SCUBE1: variants seen among roughly 807,000 people sequenced by gnomAD.
The protein encoded by SCUBE1 is signal peptide, CUB and EGF-like domain-containing protein 1.
A neutral mutation model predicts 124.4 loss-of-function variants in SCUBE1; 59 were observed. That is an observed-to-expected ratio of 0.47 (90% CI 0.38 to 0.59). The LOEUF (loss-of-function observed/expected upper bound fraction) is 0.59. SCUBE1 is among the 20% of genes least tolerant of loss of function. The pLI is 0.00. For missense variants in SCUBE1, 1,150 were observed against 1,371.2 expected (o/e 0.84, Z 2.55); for synonymous variants, 545 against 550.9 (o/e 0.99, Z 0.15).
In SCUBE1 at chr22:43,229,142, G is replaced by A. The variant is rs1408740102; in HGVS notation, c.1014C>T (p.Ile338=). The change falls in exon 9 of 22, where the codon ATC becomes ATT. Residue 338 remains isoleucine, a synonymous_variant. Transcript: ENST00000360835. ...GGCACTGGAAGCTGCCCGGGGAGTT[G>A]ATGCAGATGTGGTCACAGGTCCGCT... is the stretch of plus-strand genomic sequence containing the variant. The part of the protein sequence containing the change: ...SFERTCDHIC[I]NSPGSFQCLC... The A allele has an allele frequency of 3.1e-6, 5 of 1,613,898 alleles. No individual in the cohort carries two copies. The highest frequency in any genetic ancestry group is 4.2e-6 in the Non-Finnish European group (5 of 1,179,992).
chr22:43,315,082 G>A (rs1460763605), intron 3 of SCUBE1, among the ~76,000 whole-genome samples: 3 of 151,970 alleles, frequency 2.0e-5, no homozygotes, highest in Non-Finnish European at 4.4e-5. Flanking sequence ...AAGAACAAAT[G>A]ATACCACCAT....
chr22:43,219,853 C>T (rs1278823914), intron 14 of SCUBE1, among the ~76,000 whole-genome samples: 1 of 152,122 alleles, frequency 6.6e-6, no homozygotes, highest in Non-Finnish European at 1.5e-5. Flanking sequence ...GCCCCCACCA[C>T]CGAGAGTCCC....
At chr22:43,302,825 G>A (rs1925823539) in intron 3 of SCUBE1, among the ~76,000 whole-genome samples, 2 of 152,340 alleles carry the variant, frequency 1.3e-5, no homozygotes, top group South Asian at 4.1e-4. Context: ...GAACCAAAGC[G>A]AGAAGCTGTA....
intron 4 of SCUBE1, among the ~76,000 whole-genome samples, chr22:43,264,983 T>G (rs1011968724): frequency 6.6e-6 from 1 of 152,272 alleles, no homozygotes; most frequent in African/African-American, 2.4e-5. Context: ...TAAGCAGATC[T>G]GTGCTTTCTT....
At chr22:43,251,482 T>C (rs1286671475) in intron 6 of SCUBE1, among the ~76,000 whole-genome samples, 2 of 152,216 alleles carry the variant, frequency 1.3e-5, no homozygotes, top group Non-Finnish European at 2.9e-5. Flanking sequence ...GAAATTATCC[T>C]GGATTATCTG....
In SCUBE1 at chr22:43,219,623, G is replaced by A. The variant is rs573256582; in HGVS notation, c.1687+827C>T. Among the ~76,000 whole-genome samples the A allele has an allele frequency of 1.5e-4, 23 of 151,836 alleles. 1 individual carries two copies. The highest frequency in any genetic ancestry group is 4.2e-4 in the South Asian group (2 of 4,796). Reference sequence around the variant, plus strand: ...TGAGTAGCTGGGATTACAGGTGCCTGCCACCACACCTGGCTAATTTTTGTA... The same window carrying A: ...TGAGTAGCTGGGATTACAGGTGCCTACCACCACACCTGGCTAATTTTTGTA... On this transcript the variant is annotated intron_variant, in intron 14 of 21. Coordinates refer to ENST00000360835, the MANE Select transcript of SCUBE1 (RefSeq NM_173050.5).
intron 4 of SCUBE1, among the ~76,000 whole-genome samples, chr22:43,290,290 G>A (rs936339485): frequency 2.0e-5 from 3 of 151,778 alleles, no homozygotes; most frequent in Non-Finnish European, 4.4e-5. Context: ...CATGTGTCCT[G>A]GCTCTCTCCT....
chr22:43,314,378 T>C (rs1926270110), intron 3 of SCUBE1, among the ~76,000 whole-genome samples: 1 of 152,162 alleles, frequency 6.6e-6, no homozygotes, highest in Non-Finnish European at 1.5e-5. Flanking sequence ...TAGTTCACTC[T>C]AGCTGCTGCC....
At position 43,211,193 on chromosome 22, in the gene SCUBE1, A is replaced by G. The variant is rs377509489; in HGVS notation, c.2222-110T>C. 1 of 1,168,296 alleles carries G rather than the reference A, an allele frequency of 8.6e-7. No homozygotes were observed. The highest frequency in any genetic ancestry group is 2.6e-5 in the East Asian group (1 of 38,812). The allele number at this position is 1,168,296 out of a possible 1,614,324, so 72.4% of individuals were successfully genotyped here. ...ATGCCCTCGAGGTCTGTTTTGGCAC[A>G]GAGTTCAAGGCTCCTCCCCACCGCC... is the stretch of plus-strand genomic sequence containing the variant. On this transcript the variant is annotated intron_variant, in intron 17 of 21. Coordinates refer to ENST00000360835, the MANE Select transcript of SCUBE1 (RefSeq NM_173050.5). The surrounding 1 kb of genome is among the most constrained non-coding windows in gnomAD (Gnocchi z 4.5).
Position 43,238,966 on chromosome 22 carries a change from A to G in SCUBE1, c.728-12T>C, listed in dbSNP as rs777099027. On this transcript the variant is annotated splice_polypyrimidine_tract_variant and intron_variant, in intron 6 of 21. Transcript: ENST00000360835. ...GACTGCGCACGTCTCTGGGGAGGGAAAGAGACAGAGACCTCAGTTTCCTTG... is the reference window on the plus strand; with the variant it reads ...GACTGCGCACGTCTCTGGGGAGGGAGAGAGACAGAGACCTCAGTTTCCTTG... 8.1e-6 allele frequency: 13 copies of G among 1,597,320 alleles called. No homozygotes were observed. The African/African-American group carries it at 1.6e-4, about 20-fold the overall frequency.
At chr22:43,313,587 C>T (rs1926243053) in intron 3 of SCUBE1, among the ~76,000 whole-genome samples, 1 of 152,204 alleles carries the variant, frequency 6.6e-6, no homozygotes, top group Non-Finnish European at 1.5e-5. Flanking sequence ...ACTGCTATTT[C>T]AAGTAATTAC....
intron 6 of SCUBE1, 22 bp from the exon 7 acceptor site, chr22:43,238,976 G>A (rs1266131497): frequency 1.3e-6 from 2 of 1,584,514 alleles, no homozygotes; most frequent in African/African-American, 1.3e-5. Context: ...AAGAGACAGA[G>A]ACCTCAGTTT....
chr22:43,324,140 C>A (rs1926647047), intron 2 of SCUBE1, among the ~76,000 whole-genome samples: 2 of 152,168 alleles, frequency 1.3e-5, no homozygotes, highest in South Asian at 4.1e-4. Context: ...GGCACAGTAT[C>A]AGTTTATGCC....
chr22:43,291,520 G>A (rs368854839), intron 3 of SCUBE1, among the ~76,000 whole-genome samples: 8 of 152,198 alleles, frequency 5.3e-5, no homozygotes, highest in African/African-American at 1.7e-4. Context: ...GTGCTACAGT[G>A]GTACAGTGGG....
At chr22:43,300,398 C>A (rs1352551841) in intron 3 of SCUBE1, among the ~76,000 whole-genome samples, 2 of 150,624 alleles carry the variant, frequency 1.3e-5, no homozygotes, top group Admixed American at 6.7e-5. Context: ...AACAGCTTTT[C>A]ACATGCTTAG....
chr22:43,269,908 G>A (rs1261791475), intron 4 of SCUBE1, among the ~76,000 whole-genome samples: 1 of 152,186 alleles, frequency 6.6e-6, no homozygotes, highest in Non-Finnish European at 1.5e-5. Flanking sequence ...AGATGATGAT[G>A]ACAACAGTGC....
intron 1 of SCUBE1, among the ~76,000 whole-genome samples, chr22:43,339,696 T>TAGC (rs1927219607): frequency 1.2e-5 from 1 of 85,042 alleles, no homozygotes; most frequent in African/African-American, 4.5e-5. Flanking sequence ...CCCACAAGCA[T>TAGC]TGCTCCAACC....
chr22:43,203,165 G>A lies in SCUBE1; in HGVS notation c.*832C>T, dbSNP rs1048776248. The A allele has an allele frequency of 4.6e-5, 7 of 152,260 alleles. No homozygotes were observed. Among genetic ancestry groups the A allele is most frequent in the African/African-American group, 1.7e-4 (7 of 41,520 alleles). 9.4% of individuals were successfully genotyped at this position (152,260 alleles called of 1,614,324 possible). A position where few individuals can be genotyped will look rare whatever the true frequency, so the allele number is the denominator to read the frequency against. The stretch of plus-strand genomic sequence containing the variant: ...TTCAGAAGCAAGTCCAAGGCAAGCT[G>A]TGCTCTCCCCAGCCCCAAGGGCTGC... On this transcript the variant is annotated 3_prime_UTR_variant, in exon 22 of 22. Coordinates refer to ENST00000360835, the MANE Select transcript of SCUBE1 (RefSeq NM_173050.5).
intron 10 of SCUBE1, 95 bp downstream of exon 10, chr22:43,227,279 G>C (rs187604967): frequency 7.2e-7 from 1 of 1,397,392 alleles, no homozygotes; most frequent in Non-Finnish European, 9.7e-7. Flanking sequence ...AAAGGGAGGG[G>C]CTGTCCTGCT....
Sources: allele counts gnomAD v4.1 joint callset (sites outside exome capture counted in the v4.1 genomes callset), GRCh38; gene constraint gnomAD v4.1.1; non-coding constraint Gnocchi (gnomAD v3.1); transcripts MANE v1.5; gene names NCBI Gene and HGNC (gene_info 2026-07-23, HGNC 2026-07-21).